TRUB1: variants seen among roughly 807,000 people sequenced by gnomAD.
The protein encoded by TRUB1 is TruB pseudouridine synthase family member 1, also known as pseudouridylate synthase TRUB1.
Under a neutral mutation model 33.9 loss-of-function variants are expected in TRUB1, and 23 were observed. That is an observed-to-expected ratio of 0.68 (90% CI 0.49 to 0.96). The LOEUF is 0.96. Among genes scored for constraint, TRUB1 ranks in the 40% least tolerant of loss-of-function variants. The pLI is 0.00. For missense variants in TRUB1, 378 were observed against 422.2 expected (o/e 0.90, Z 0.92); for synonymous variants, 163 against 165.4 (o/e 0.99, Z 0.11).
chr10:114,960,619 TC>T (rs1437483559), intron 4 of TRUB1, among the ~76,000 whole-genome samples: 1 of 152,190 alleles, frequency 6.6e-6, no homozygotes, highest in Non-Finnish European at 1.5e-5. Context: ...CTTCATTTTT[TC>T]TGTTAACATT....
intron 2 of TRUB1, among the ~76,000 whole-genome samples, chr10:114,944,818 C>G (rs2084204657): frequency 6.6e-6 from 1 of 152,066 alleles, no homozygotes; most frequent in African/African-American, 2.4e-5. Context: ...AACCCCATCT[C>G]TATAAAAAAT....
chr10:114,956,135 G>T, intron 3 of TRUB1, among the ~76,000 whole-genome samples: 1 of 152,170 alleles, frequency 6.6e-6, no homozygotes, highest in East Asian at 1.9e-4. Context: ...CTGCTGTGGG[G>T]TTTAGGGAGC....
At chr10:114,945,053 A>T (rs1316808463) in intron 2 of TRUB1, among the ~76,000 whole-genome samples, 2 of 152,236 alleles carry the variant, frequency 1.3e-5, no homozygotes, top group African/African-American at 2.4e-5. Flanking sequence ...GGTATTCATA[A>T]GTTCTATAGT....
At chr10:114,959,061 G>A (rs558296059) in intron 3 of TRUB1, among the ~76,000 whole-genome samples, 11 of 152,212 alleles carry the variant, frequency 7.2e-5, no homozygotes, top group African/African-American at 2.2e-4. Context: ...GCTTGAACCC[G>A]GGGGACGGAG....
Position 114,976,650 on chromosome 10 carries a change from C to A in TRUB1, c.*1271C>A, listed in dbSNP as rs1161621038. ...TTTTCCTGCTTTGTAGTCTCTAACT[C>A]TGAAATTTAAAATATGTAAACTAAA... On this transcript the variant is annotated 3_prime_UTR_variant, in exon 8 of 8. Transcript: ENST00000298746. The A allele has an allele frequency of 1.3e-5, 2 of 152,086 alleles. No homozygotes were observed. The highest frequency in any genetic ancestry group is 2.9e-5 in the Non-Finnish European group (2 of 68,000). 9.4% of individuals were successfully genotyped at this position (152,086 alleles called of 1,614,324 possible).
At chr10:114,968,649 G>A (rs538148146) in intron 4 of TRUB1, among the ~76,000 whole-genome samples, 1 of 152,196 alleles carries the variant, frequency 6.6e-6, no homozygotes, top group East Asian at 1.9e-4. Context: ...TGTTGGAGCT[G>A]CTAGGTGCTA....
intron 4 of TRUB1, among the ~76,000 whole-genome samples, chr10:114,964,614 G>C (rs1181993679): frequency 6.6e-6 from 1 of 152,094 alleles, no homozygotes; most frequent in Non-Finnish European, 1.5e-5. Context: ...GACTCTAAAA[G>C]TGTGAAGATA....
At chr10:114,974,953 G>A (rs2084353373) in intron 7 of TRUB1, among the ~76,000 whole-genome samples, 170 bp from the exon 8 acceptor site, 1 of 152,040 alleles carries the variant, frequency 6.6e-6, no homozygotes, top group Non-Finnish European at 1.5e-5. Context: ...GTATTATTTT[G>A]CTACTTAATC....
Position 114,974,322 on chromosome 10 carries a change from A to T in TRUB1, c.737-7A>T. Reference sequence around the variant, plus strand: ...AGCAATTTACTATGTCACTGTTAACATTCCAGATGTTGAATGTGGAGGAGG... The same window carrying T: ...AGCAATTTACTATGTCACTGTTAACTTTCCAGATGTTGAATGTGGAGGAGG... On this transcript the variant is annotated splice_polypyrimidine_tract_variant and splice_region_variant and intron_variant, in intron 6 of 7. Coordinates refer to ENST00000298746, the MANE Select transcript of TRUB1 (RefSeq NM_139169.5). 4.3e-6 allele frequency: 7 copies of T among 1,611,370 alleles called. No individual in the cohort carries two copies. Among genetic ancestry groups the T allele is most frequent in the Non-Finnish European group, 5.1e-6 (6 of 1,178,078 alleles).
rs1479259454 is a variant in TRUB1 at position 114,938,572 on chromosome 10, C to T, written c.286+33C>T. 7 of 1,499,948 alleles carry T rather than the reference C, an allele frequency of 4.7e-6. No individual in the cohort carries two copies. In the African/African-American group the frequency reaches 7.0e-5, roughly 15 times the overall value. The allele number at this position is 1,499,948 out of a possible 1,614,324, so 92.9% of individuals were successfully genotyped here. A position where few individuals can be genotyped will look rare whatever the true frequency, so the allele number is the denominator to read the frequency against. On this transcript the variant is annotated intron_variant, in intron 1 of 7. Transcript: ENST00000298746. ...AGCCCGGGTGGGGACCAGGCTGAGG[C>T]GGTCGCTGCGAGAGGGGAAGCACAT...
At chr10:114,948,389 T>C (rs1273251713) in intron 2 of TRUB1, among the ~76,000 whole-genome samples, 2 of 152,236 alleles carry the variant, frequency 1.3e-5, no homozygotes, top group African/African-American at 4.8e-5. Context: ...AATTTCATTT[T>C]GTTCTTTTAG....
intron 3 of TRUB1, among the ~76,000 whole-genome samples, chr10:114,952,473 G>A (rs72833192): frequency 7.4e-5 from 7 of 94,128 alleles, no homozygotes; most frequent in Non-Finnish European, 1.2e-4. Context: ...AGGTAGGTAG[G>A]TAGGTAGATA....
At chr10:114,941,793 A>T (rs10885635) in intron 1 of TRUB1, among the ~76,000 whole-genome samples, 46,731 of 150,658 alleles carry the variant, frequency 0.31, 8,438 homozygotes, top group Non-Finnish European at 0.42. Flanking sequence ...TTATTTATTT[A>T]TTTTTTTTTG....
intron 4 of TRUB1, among the ~76,000 whole-genome samples, chr10:114,962,230 A>G (rs1461112381): frequency 2.6e-5 from 4 of 151,974 alleles, no homozygotes; most frequent in Non-Finnish European, 5.9e-5. Flanking sequence ...TATTTTTTGC[A>G]TTTTTAGTAG....
intron 6 of TRUB1, 82 bp from the exon 7 acceptor site, chr10:114,974,247 C>A: frequency 9.9e-7 from 1 of 1,013,578 alleles, no homozygotes; most frequent in Non-Finnish European, 1.5e-6. Context: ...TGCATTTTTA[C>A]ATTTGTTTAG....
intron 5 of TRUB1, among the ~76,000 whole-genome samples, 192 bp downstream of exon 5, chr10:114,970,632 T>G (rs989561907): frequency 6.6e-6 from 1 of 152,158 alleles, no homozygotes; most frequent in African/African-American, 2.4e-5. Flanking sequence ...TGGAATGTGG[T>G]CTTCTTTGTT....
At chr10:114,947,090 C>T (rs1448539335) in intron 2 of TRUB1, among the ~76,000 whole-genome samples, 1 of 151,816 alleles carries the variant, frequency 6.6e-6, no homozygotes, top group Non-Finnish European at 1.5e-5. Context: ...GCAGTGGAAG[C>T]AGAGGTTGGA....
At chr10:114,957,684 G>A (rs562891192) in intron 3 of TRUB1, among the ~76,000 whole-genome samples, 1 of 152,228 alleles carries the variant, frequency 6.6e-6, no homozygotes, top group East Asian at 1.9e-4. Flanking sequence ...TGTGCCCCAG[G>A]TGCACAAAAC....
Position 114,975,350 on chromosome 10 carries a change from A to AG in TRUB1, c.1022dup (p.Glu342ArgfsTer3). ...ATATATAACTCTAAATGAGCCAAAG[A>AG]GAGAAGATGATGTAATTAAGACGTG... is the stretch of plus-strand genomic sequence containing the variant. On this transcript the variant is annotated frameshift_variant, in exon 8 of 8. Coordinates refer to ENST00000298746, the MANE Select transcript of TRUB1 (RefSeq NM_139169.5). LOFTEE classifies it high-confidence loss of function. 3 of 1,593,790 alleles carry AG rather than the reference A, an allele frequency of 1.9e-6. No homozygotes were observed. Among genetic ancestry groups the AG allele is most frequent in the Non-Finnish European group, 1.7e-6 (2 of 1,168,830 alleles).
Sources: allele counts gnomAD v4.1 joint callset (sites outside exome capture counted in the v4.1 genomes callset), GRCh38; gene constraint gnomAD v4.1.1; transcripts MANE v1.5; gene names NCBI Gene and HGNC (gene_info 2026-07-23, HGNC 2026-07-21).